Variants in RGPD2 observed in about 807,000 individuals in gnomAD.
The protein encoded by RGPD2 is RANBP2-like and GRIP domain-containing protein 2.
In RGPD2, 2 loss-of-function variants were observed where a neutral mutation model predicts 36.0. The observed-to-expected ratio is 0.06, with a 90% confidence interval of 0.02 to 0.17. The LOEUF is 0.17. Ranked by LOEUF, RGPD2 falls within the 10% of genes least tolerant of loss-of-function variation. RGPD2 has a pLI of 1.00. For missense variants in RGPD2, 40 were observed against 464.3 expected, an observed-to-expected ratio of 0.09 and a Z score of 8.40; for synonymous variants, 19 against 163.8, an observed-to-expected ratio of 0.12 and a Z score of 6.75.
chr2:87,887,203 T>A, the RGPD2 span, among the ~76,000 whole-genome samples: 1 of 151,892 alleles, frequency 6.6e-6, no homozygotes, highest in Non-Finnish European at 1.5e-5. Context: ...ACTGAAAATA[T>A]CTGTAAAAAT....
At chr2:87,988,542 T>TATATATATATATATGTATATATATA in the RGPD2 span, among the ~76,000 whole-genome samples, 1 of 37,576 alleles carries the variant, frequency 2.7e-5, no homozygotes, top group Non-Finnish European at 5.4e-5. Context: ...TATATATATA[T>TATATATATATATATGTATATATATA]TTTTTTTTTT....
the RGPD2 span, among the ~76,000 whole-genome samples, chr2:87,952,714 T>C: frequency 6.6e-6 from 1 of 152,188 alleles, no homozygotes; most frequent in East Asian, 1.9e-4. Context: ...TTTGGAAACT[T>C]GTCAATACTC....
At chr2:87,842,147 C>T in the RGPD2 span, among the ~76,000 whole-genome samples, 1 of 152,182 alleles carries the variant, frequency 6.6e-6, no homozygotes, top group Non-Finnish European at 1.5e-5. Context: ...TGAAAACTGG[C>T]ACAAGACAGG....
At chr2:87,984,131 G>C in the RGPD2 span, among the ~76,000 whole-genome samples, 21 of 149,062 alleles carry the variant, frequency 1.4e-4, no homozygotes, top group Non-Finnish European at 2.4e-4. Context: ...ATGAAAATTT[G>C]AAAAAACCAT....
chr2:87,910,568 C>G, the RGPD2 span, among the ~76,000 whole-genome samples: 1 of 152,222 alleles, frequency 6.6e-6, no homozygotes, highest in Non-Finnish European at 1.5e-5. Context: ...TTCTTTTATT[C>G]ATTCAACAAA....
At chr2:87,807,492 T>G (rs1686003670) in intron 6 of RGPD2, among the ~76,000 whole-genome samples, 1 of 148,788 alleles carries the variant, frequency 6.7e-6, no homozygotes, top group African/African-American at 2.5e-5. Flanking sequence ...GTTCAAGTGA[T>G]TCTCCTGACT....
the RGPD2 span, among the ~76,000 whole-genome samples, chr2:87,870,624 T>C: frequency 6.6e-6 from 1 of 152,180 alleles, no homozygotes; most frequent in Non-Finnish European, 1.5e-5. Flanking sequence ...GACCTGTAAA[T>C]ATAATCAAAC....
chr2:87,881,307 T>C, the RGPD2 span, among the ~76,000 whole-genome samples: 2 of 152,238 alleles, frequency 1.3e-5, no homozygotes, highest in Admixed American at 1.3e-4. Context: ...ACAGCTCTAC[T>C]AAGCAGTACC....
chr2:87,923,540 CT>C, the RGPD2 span, among the ~76,000 whole-genome samples: 1 of 152,222 alleles, frequency 6.6e-6, no homozygotes, highest in East Asian at 1.9e-4. Context: ...GTATGGTACA[CT>C]GGAAAATACA....
At chr2:87,909,064 C>CATCTT in the RGPD2 span, among the ~76,000 whole-genome samples, 1 of 147,432 alleles carries the variant, frequency 6.8e-6, no homozygotes, top group Non-Finnish European at 1.5e-5. Flanking sequence ...CACAAGGAAC[C>CATCTT]ATCTTATCAA....
the RGPD2 span, among the ~76,000 whole-genome samples, chr2:87,951,733 T>A: frequency 3.2e-4 from 46 of 145,442 alleles, no homozygotes; most frequent in African/African-American, 1.1e-3. Flanking sequence ...TACAGATGTG[T>A]GCCACCACAC....
the RGPD2 span, among the ~76,000 whole-genome samples, chr2:87,960,181 A>C: frequency 4.6e-5 from 7 of 152,156 alleles, no homozygotes; most frequent in South Asian, 1.5e-3. Flanking sequence ...TTAACCATTC[A>C]ATAGAATCAG....
the RGPD2 span, among the ~76,000 whole-genome samples, chr2:87,853,807 A>T: frequency 6.6e-6 from 1 of 151,784 alleles, no homozygotes; most frequent in Non-Finnish European, 1.5e-5. Context: ...ATTTTGTACA[A>T]TTTTTTTCAA....
chr2:87,877,124 A>G, the RGPD2 span, among the ~76,000 whole-genome samples: 7 of 152,074 alleles, frequency 4.6e-5, no homozygotes, highest in South Asian at 1.5e-3. Flanking sequence ...TCTCTTGAGG[A>G]CAGCATACCA....
the RGPD2 span, among the ~76,000 whole-genome samples, chr2:87,947,999 C>G: frequency 6.6e-6 from 1 of 151,954 alleles, no homozygotes; most frequent in Non-Finnish European, 1.5e-5. Context: ...TTTTCTCTCT[C>G]TCGGTCCTTG....
At chr2:87,943,771 A>C in the RGPD2 span, among the ~76,000 whole-genome samples, 624 of 151,654 alleles carry the variant, frequency 4.1e-3, 3 homozygotes, top group Non-Finnish European at 7.4e-3. Context: ...TTACAGTTTC[A>C]GGTCTTACAT....
At chr2:87,937,877 T>C in the RGPD2 span, among the ~76,000 whole-genome samples, 1 of 151,916 alleles carries the variant, frequency 6.6e-6, no homozygotes, top group African/African-American at 2.4e-5. Context: ...TGGACATTAC[T>C]GTGACATTAA....
chr2:87,756,425 CTCA>C lies in RGPD2; in HGVS notation c.*964_*966del, dbSNP rs1190946013. On this transcript the variant is annotated 3_prime_UTR_variant, in exon 23 of 23. Transcript: ENST00000398146. ...CCCTTTCCCCATTCTCTTACTCTGT[CTCA>C]TCATGTATGTAACATGTATCCATGT... is the stretch of plus-strand genomic sequence containing the variant. The C allele has an allele frequency of 1.7e-5, 3 of 174,460 alleles. No individual in the cohort carries two copies. Among genetic ancestry groups the C allele is most frequent in the East Asian group, 1.5e-4 (1 of 6,838 alleles). 10.8% of individuals were successfully genotyped at this position (174,460 alleles called of 1,614,324 possible).
the RGPD2 span, among the ~76,000 whole-genome samples, chr2:87,979,844 C>G: frequency 1.4e-5 from 2 of 148,068 alleles, no homozygotes; most frequent in South Asian, 2.2e-4. Flanking sequence ...CCACTGCACT[C>G]CAGCCTAGGC....
Sources: allele counts gnomAD v4.1 joint callset (sites outside exome capture counted in the v4.1 genomes callset), GRCh38; gene constraint gnomAD v4.1.1; transcripts MANE v1.5; gene names NCBI Gene and HGNC (gene_info 2026-07-23, HGNC 2026-07-21).